Variants in ZNF469 observed in about 807,000 individuals in gnomAD.
The protein encoded by ZNF469 is zinc finger protein 469.
A neutral mutation model predicts 1.0 loss-of-function variants in ZNF469; 1 was observed. The ratio of observed to expected loss-of-function variants is 1.00; its 90% CI spans 0.35 to 4.73. The LOEUF is 4.73. Ranked by LOEUF, ZNF469 falls within the 30% of genes most tolerant of loss-of-function variation. The probability of loss-of-function intolerance (pLI) is 0.16; values close to 1 mark genes in which losing one functional copy is unlikely to be tolerated. For synonymous variants in ZNF469, 2,703 were observed against 2,363.4 expected (o/e 1.14, Z -4.17); for missense variants, 6,100 against 5,356.3 (o/e 1.14, Z -4.33).
At chr16:88,214,579 C>A in the ZNF469 span, among the ~76,000 whole-genome samples, 1 of 151,876 alleles carries the variant, frequency 6.6e-6, no homozygotes, top group Admixed American at 6.6e-5. Flanking sequence ...TAGGTATACA[C>A]GTGCCATGGT....
the ZNF469 span, among the ~76,000 whole-genome samples, chr16:88,376,661 AGC>A: frequency 6.6e-6 from 1 of 152,228 alleles, no homozygotes; most frequent in South Asian, 2.1e-4. Flanking sequence ...GCTCCGGCTG[AGC>A]GTGTCTGGAG....
At chr16:88,406,336 G>T (rs1905028409) in intron 1 of ZNF469, among the ~76,000 whole-genome samples, 1 of 152,226 alleles carries the variant, frequency 6.6e-6, no homozygotes, top group Admixed American at 6.5e-5. Context: ...TGTGTCTCAG[G>T]ATGGCCCTGT....
At chr16:88,140,728 T>G in the ZNF469 span, among the ~76,000 whole-genome samples, 3 of 152,134 alleles carry the variant, frequency 2.0e-5, no homozygotes, top group African/African-American at 4.8e-5. Context: ...GGTCAGGAGT[T>G]CGAGACCAGC....
the ZNF469 span, among the ~76,000 whole-genome samples, chr16:88,208,264 G>A: frequency 6.6e-6 from 1 of 151,696 alleles, no homozygotes; most frequent in East Asian, 2.0e-4. Flanking sequence ...GATATCTCAA[G>A]CTCATCTGCG....
chr16:88,284,673 A>G, the ZNF469 span, among the ~76,000 whole-genome samples: 3 of 150,738 alleles, frequency 2.0e-5, no homozygotes, highest in East Asian at 3.9e-4. Flanking sequence ...CACCACCACC[A>G]ACACTCTGCA....
the ZNF469 span, among the ~76,000 whole-genome samples, chr16:88,243,041 T>G: frequency 6.6e-6 from 1 of 152,208 alleles, no homozygotes; most frequent in Non-Finnish European, 1.5e-5. Context: ...CCAAACTCAC[T>G]GCTGGCCAGC....
the ZNF469 span, among the ~76,000 whole-genome samples, chr16:88,376,201 T>C: frequency 6.6e-6 from 1 of 152,204 alleles, no homozygotes; most frequent in South Asian, 2.1e-4. Context: ...CACACATCAA[T>C]GCGCCTTTTA....
the ZNF469 span, among the ~76,000 whole-genome samples, chr16:88,131,962 C>T: frequency 2.0e-5 from 3 of 152,252 alleles, no homozygotes; most frequent in Non-Finnish European, 4.4e-5. Flanking sequence ...GCCCGGCCCG[C>T]GCATCTCCGG....
chr16:88,327,320 G>T, the ZNF469 span, among the ~76,000 whole-genome samples: 2 of 152,148 alleles, frequency 1.3e-5, no homozygotes, highest in Admixed American at 1.3e-4. Context: ...CGCCACGCTG[G>T]TCCTCCCGGC....
intron 1 of ZNF469, among the ~76,000 whole-genome samples, chr16:88,416,706 T>G (rs1159577594): frequency 1.3e-5 from 2 of 152,218 alleles, no homozygotes; most frequent in Non-Finnish European, 2.9e-5. Context: ...GGTGATTGGT[T>G]GTTTTAGGGG....
At chr16:88,263,280 A>C in the ZNF469 span, among the ~76,000 whole-genome samples, 1 of 152,072 alleles carries the variant, frequency 6.6e-6, no homozygotes, top group African/African-American at 2.4e-5. Context: ...GAACTAGGGG[A>C]TTGGGATTCA....
chr16:88,201,760 C>T, the ZNF469 span, among the ~76,000 whole-genome samples: 1,066 of 152,240 alleles, frequency 7.0e-3, 17 homozygotes, highest in African/African-American at 0.024. This position sits in a 1 kb window ranked among gnomAD's most constrained non-coding sequence, Gnocchi z 5.0. Flanking sequence ...TGGCATTGCT[C>T]GTGTTGGCCT....
intron 1 of ZNF469, among the ~76,000 whole-genome samples, chr16:88,393,676 C>T (rs1165925011): frequency 6.6e-6 from 1 of 152,222 alleles, no homozygotes; most frequent in African/African-American, 2.4e-5. Flanking sequence ...TTCACACCCT[C>T]AGCCTCAGTT....
chr16:88,186,519 C>T, the ZNF469 span, among the ~76,000 whole-genome samples: 1 of 152,182 alleles, frequency 6.6e-6, no homozygotes, highest in African/African-American at 2.4e-5. Context: ...CCGAAGCCTG[C>T]ACTTCAGCCC....
At chr16:88,411,522 G>A (rs12446792) in intron 1 of ZNF469, among the ~76,000 whole-genome samples, 1,214 of 33,264 alleles carry the variant, frequency 0.036, 9 homozygotes, top group African/African-American at 0.071. Context: ...GCAGGGGTGC[G>A]AGCGGGCAGG....
chr16:88,289,159 A>G, the ZNF469 span, among the ~76,000 whole-genome samples: 6,150 of 150,776 alleles, frequency 0.041, 426 homozygotes, highest in African/African-American at 0.14. Flanking sequence ...GGTGATGGCA[A>G]TGATGATGAT....
At chr16:88,330,477 C>T in the ZNF469 span, among the ~76,000 whole-genome samples, 1 of 152,210 alleles carries the variant, frequency 6.6e-6, no homozygotes, top group Non-Finnish European at 1.5e-5. Flanking sequence ...ACGCATATTC[C>T]CAGTGGTTCT....
chr16:88,393,119 C>T (rs928882654), intron 1 of ZNF469, among the ~76,000 whole-genome samples: 16 of 152,278 alleles, frequency 1.1e-4, no homozygotes, highest in Non-Finnish European at 1.9e-4. Flanking sequence ...GTGGGCACCA[C>T]GCGGCTGGCA....
chr16:88,364,758 G>T, the ZNF469 span, among the ~76,000 whole-genome samples: 1 of 151,896 alleles, frequency 6.6e-6, no homozygotes, highest in Non-Finnish European at 1.5e-5. Flanking sequence ...GAGGTCAGGA[G>T]TTCAAGACCA....
Sources: gnomAD v4.1 joint callset for allele counts (sites outside exome capture counted in the v4.1 genomes callset) on GRCh38, gnomAD v4.1.1 for gene constraint, Gnocchi (gnomAD v3.1) non-coding constraint, MANE v1.5 for transcripts, NCBI Gene and HGNC (gene_info 2026-07-23, HGNC 2026-07-21) for gene names.